LRRC1: variants seen among roughly 807,000 people sequenced by gnomAD.
The protein encoded by LRRC1 is leucine-rich repeat-containing protein 1.
LRRC1 carries 28 observed loss-of-function variants against 69.9 expected under a neutral mutation model. That is an observed-to-expected ratio of 0.40 (90% CI 0.30 to 0.55). LRRC1 has a LOEUF of 0.55. LRRC1 is among the 20% of genes least tolerant of loss of function. LRRC1 has a pLI of 0.47. For missense variants in LRRC1, 498 were observed against 609.0 expected (o/e 0.82, Z 1.92); for synonymous variants, 236 against 240.2 (o/e 0.98, Z 0.16).
intron 1 of LRRC1, among the ~76,000 whole-genome samples, chr6:53,821,140 C>T (rs1443755634): frequency 2.6e-5 from 4 of 152,210 alleles, no homozygotes; most frequent in Non-Finnish European, 5.9e-5. Context: ...GCAGGGTTCA[C>T]TGTTCAGCTC....
At chr6:53,805,373 C>T (rs1463931445) in intron 1 of LRRC1, among the ~76,000 whole-genome samples, 1 of 152,098 alleles carries the variant, frequency 6.6e-6, no homozygotes, top group Admixed American at 6.5e-5. Context: ...TGGGTTGACT[C>T]GGTTCTCTTT....
chr6:53,891,322 CAG>C (rs547610686), intron 4 of LRRC1, among the ~76,000 whole-genome samples: 9 of 151,144 alleles, frequency 6.0e-5, no homozygotes, highest in Non-Finnish European at 1.3e-4. Context: ...ATTAATTTGT[CAG>C]AAATTAAAAT....
At chr6:53,861,748 G>A in intron 2 of LRRC1, among the ~76,000 whole-genome samples, 1 of 152,216 alleles carries the variant, frequency 6.6e-6, no homozygotes, top group East Asian at 1.9e-4. Context: ...CCTTCTCTGT[G>A]TGTTACCCAG....
intron 1 of LRRC1, among the ~76,000 whole-genome samples, chr6:53,835,069 T>C (rs1289015564): frequency 6.6e-6 from 1 of 152,254 alleles, no homozygotes. Flanking sequence ...ACCAATTCTG[T>C]GCATTTTTGA....
chr6:53,851,173 GAC>G lies in LRRC1; in HGVS notation c.277+8977_277+8978del, dbSNP rs3222575. Among the ~76,000 whole-genome samples, 981 of 144,728 alleles carry G rather than the reference GAC, an allele frequency of 6.8e-3. 10 individuals are homozygous for G. The highest frequency in any genetic ancestry group is 0.014 in the African/African-American group (530 of 38,966). The allele number at this position is 144,728 out of a possible 152,430, so 94.9% of individuals were successfully genotyped here. On this transcript the variant is annotated intron_variant, in intron 2 of 13. Transcript: ENST00000370888. ...GTCTCCAGGGAAACAGAACTAATAG[GAC>G]ACACACACACACACACACACACACA...
intron 1 of LRRC1, among the ~76,000 whole-genome samples, chr6:53,840,010 T>A (rs1765722431): frequency 6.6e-6 from 1 of 151,962 alleles, no homozygotes; most frequent in Non-Finnish European, 1.5e-5. Context: ...GGGTTGCTCT[T>A]GGGGCCTGAT....
intron 11 of LRRC1, among the ~76,000 whole-genome samples, chr6:53,918,097 T>C (rs1038878842): frequency 1.3e-5 from 2 of 152,270 alleles, no homozygotes; most frequent in African/African-American, 4.8e-5. Context: ...ATGGTGGCAC[T>C]GGGTGGATTC....
intron 2 of LRRC1, among the ~76,000 whole-genome samples, chr6:53,861,260 GTGT>G (rs1766505491): frequency 6.6e-6 from 1 of 151,838 alleles, no homozygotes; most frequent in Non-Finnish European, 1.5e-5. Context: ...CTGCATGTAG[GTGT>G]TGTTGTTAAT....
At chr6:53,843,754 A>G (rs1477882123) in intron 2 of LRRC1, among the ~76,000 whole-genome samples, 1 of 151,938 alleles carries the variant, frequency 6.6e-6, no homozygotes, top group Non-Finnish European at 1.5e-5. Context: ...TCTTTTTTCC[A>G]GTGTGTCCAC....
chr6:53,850,683 T>C (rs1766098813), intron 2 of LRRC1, among the ~76,000 whole-genome samples: 1 of 152,264 alleles, frequency 6.6e-6, no homozygotes, highest in South Asian at 2.1e-4. Context: ...GCATAGGCTA[T>C]TGATTTAAAA....
intron 10 of LRRC1, among the ~76,000 whole-genome samples, chr6:53,910,866 A>T (rs1054557879): frequency 2.6e-5 from 4 of 152,212 alleles, no homozygotes; most frequent in African/African-American, 9.7e-5. Context: ...CTTTTCAGTT[A>T]TGGGTTTGAA....
chr6:53,827,947 C>T (rs1044275027), intron 1 of LRRC1, among the ~76,000 whole-genome samples: 3 of 152,130 alleles, frequency 2.0e-5, no homozygotes, highest in African/African-American at 7.2e-5. Context: ...GGAGCTTGTG[C>T]TTTGTTCTAT....
At position 53,908,727 on chromosome 6, in the gene LRRC1, C is replaced by G. The variant is rs185514946; in HGVS notation, c.990+4265C>G. Among the ~76,000 whole-genome samples, 51 of 152,206 alleles carry G rather than the reference C, an allele frequency of 3.4e-4. 1 individual carries two copies. The highest frequency in any genetic ancestry group is 1.1e-3 in the African/African-American group (47 of 41,538). Reference sequence around the variant, plus strand: ...GGGGGCAGGGAGACATTTAAGGCATCTTAAATGAGAGATCTGTCTTTACTC... The same window carrying G: ...GGGGGCAGGGAGACATTTAAGGCATGTTAAATGAGAGATCTGTCTTTACTC... On this transcript the variant is annotated intron_variant, in intron 10 of 13. Coordinates refer to ENST00000370888, the MANE Select transcript of LRRC1 (RefSeq NM_018214.5).
intron 2 of LRRC1, among the ~76,000 whole-genome samples, chr6:53,867,986 C>CT (rs2127425741): frequency 6.6e-6 from 1 of 151,790 alleles, no homozygotes; most frequent in South Asian, 2.1e-4. Flanking sequence ...TTTGTTTCAC[C>CT]TTATGTAAAA....
intron 1 of LRRC1, among the ~76,000 whole-genome samples, chr6:53,828,169 CAAAA>C (rs35639473): frequency 2.2e-5 from 3 of 135,248 alleles, no homozygotes; most frequent in Non-Finnish European, 1.6e-5. Context: ...GTTCAAAGGC[CAAAA>C]AAAAAAAAAA....
chr6:53,890,668 T>A (rs966731739), intron 4 of LRRC1, among the ~76,000 whole-genome samples: 2 of 152,174 alleles, frequency 1.3e-5, no homozygotes, highest in East Asian at 1.9e-4. Flanking sequence ...AAAGATTTTT[T>A]AAAAAAAGTT....
At chr6:53,882,393 A>G (rs1767322514) in intron 3 of LRRC1, among the ~76,000 whole-genome samples, 1 of 152,244 alleles carries the variant, frequency 6.6e-6, no homozygotes, top group South Asian at 2.1e-4. Flanking sequence ...ATCAATAAGT[A>G]TTCCATAGCT....
chr6:53,919,536 T>G lies in LRRC1; in HGVS notation c.1145T>G (p.Leu382Trp). The G allele has an allele frequency of 6.2e-7, 1 of 1,610,188 alleles. No homozygotes were observed. The highest frequency in any genetic ancestry group is 8.5e-7 in the Non-Finnish European group (1 of 1,178,670). Residue 382 changes from leucine to tryptophan, a missense_variant, in exon 12 of 14, where the codon TTG becomes TGG. Transcript: ENST00000370888. ...HLPLSLTALK[L>W]KALWLSDNQS... ...CCTTTATCCCTGACTGCCTTGAAGT[T>G]GAAGGCTCTGTGGCTATCTGACAAC...
chr6:53,846,885 G>A (rs1218666673), intron 2 of LRRC1, among the ~76,000 whole-genome samples: 1 of 152,192 alleles, frequency 6.6e-6, no homozygotes, highest in African/African-American at 2.4e-5. Flanking sequence ...TCGCATAGTA[G>A]GATCTTGCTA....
Sources: allele counts gnomAD v4.1 joint callset (sites outside exome capture counted in the v4.1 genomes callset), GRCh38; gene constraint gnomAD v4.1.1; transcripts MANE v1.5; gene names NCBI Gene and HGNC (gene_info 2026-07-23, HGNC 2026-07-21).